MARCHF1: variants seen among roughly 807,000 people sequenced by gnomAD.
MARCHF1 encodes the protein E3 ubiquitin-protein ligase MARCHF1.
Under a neutral mutation model 54.2 loss-of-function variants are expected in MARCHF1, and 40 were observed. That is an observed-to-expected ratio of 0.74 (90% CI 0.57 to 0.96). The LOEUF (loss-of-function observed/expected upper bound fraction) is 0.96. MARCHF1 is among the 40% of genes least tolerant of loss of function. MARCHF1 has a pLI of 0.00. For missense variants in MARCHF1, 586 were observed against 656.5 expected (o/e 0.89, Z 1.17); for synonymous variants, 236 against 236.3 (o/e 1.00, Z 0.01).
intron 4 of MARCHF1, among the ~76,000 whole-genome samples, chr4:163,817,363 A>G (rs1173887254): frequency 2.0e-5 from 3 of 151,542 alleles, no homozygotes; most frequent in Non-Finnish European, 4.4e-5. Context: ...ATATACATAC[A>G]TACATATACA....
chr4:163,774,741 C>A (rs191689827), intron 4 of MARCHF1, among the ~76,000 whole-genome samples: 7 of 152,072 alleles, frequency 4.6e-5, no homozygotes, highest in Non-Finnish European at 8.8e-5. Flanking sequence ...AATGATTCAC[C>A]CACCTCAGCC....
At chr4:164,188,326 C>A (rs765474134) in intron 1 of MARCHF1, 1 of 388,482 alleles carries the variant, frequency 2.6e-6, no homozygotes, top group Non-Finnish European at 4.9e-6. Context: ...TCCTGTGCTG[C>A]GGCCGGTGGC....
chr4:163,565,439 T>A (rs1739614726), intron 8 of MARCHF1, among the ~76,000 whole-genome samples: 1 of 152,132 alleles, frequency 6.6e-6, no homozygotes, highest in African/African-American at 2.4e-5. Flanking sequence ...ACAACGTGGG[T>A]TAGTTGCATC....
At chr4:163,760,913 T>G (rs919555707) in intron 4 of MARCHF1, among the ~76,000 whole-genome samples, 6 of 152,220 alleles carry the variant, frequency 3.9e-5, no homozygotes, top group Non-Finnish European at 7.3e-5. Flanking sequence ...TAAATGGGTA[T>G]GAAGTTACAT....
At chr4:164,281,716 C>T (rs1734031032) in intron 1 of MARCHF1, among the ~76,000 whole-genome samples, 1 of 152,220 alleles carries the variant, frequency 6.6e-6, no homozygotes, top group Non-Finnish European at 1.5e-5. Context: ...AAATTCAAAG[C>T]TTTATCATCA....
At chr4:163,980,533 A>C (rs940198209) in intron 3 of MARCHF1, among the ~76,000 whole-genome samples, 5 of 152,122 alleles carry the variant, frequency 3.3e-5, no homozygotes, top group Non-Finnish European at 5.9e-5. Context: ...TAATTAAACT[A>C]AAGAGCTTCT....
chr4:164,142,580 C>A (rs1237377898), intron 1 of MARCHF1, among the ~76,000 whole-genome samples: 13 of 152,076 alleles, frequency 8.5e-5, no homozygotes, highest in East Asian at 1.9e-4. Flanking sequence ...CTCACACAGC[C>A]AGGTACTCCA....
At chr4:164,361,058 G>C (rs1474277833) in intron 1 of MARCHF1, among the ~76,000 whole-genome samples, 1 of 151,622 alleles carries the variant, frequency 6.6e-6, no homozygotes, top group Non-Finnish European at 1.5e-5. Flanking sequence ...TTATGGTACA[G>C]TGCTGTGTAT....
chr4:163,959,346 CA>C (rs1222553997), intron 3 of MARCHF1, among the ~76,000 whole-genome samples: 1 of 149,612 alleles, frequency 6.7e-6, no homozygotes, highest in South Asian at 2.1e-4. Context: ...AAAAAAACAA[CA>C]AAAAAACAAA....
At chr4:163,531,850 A>G (rs1441690548) in intron 9 of MARCHF1, among the ~76,000 whole-genome samples, 3 of 151,902 alleles carry the variant, frequency 2.0e-5, no homozygotes, top group Non-Finnish European at 4.4e-5. Flanking sequence ...AACAAAAACA[A>G]TGACAACAAC....
intron 8 of MARCHF1, among the ~76,000 whole-genome samples, chr4:163,562,473 A>G (rs572529266): frequency 6.6e-6 from 1 of 152,156 alleles, no homozygotes; most frequent in Admixed American, 6.5e-5. Context: ...GTTAGTCTCT[A>G]TTGGTCCTTT....
chr4:163,626,188 T>C (rs1317078018), intron 5 of MARCHF1, among the ~76,000 whole-genome samples: 1 of 152,254 alleles, frequency 6.6e-6, no homozygotes, highest in African/African-American at 2.4e-5. Context: ...ATCAGCAGTA[T>C]AATTAAAGGC....
At chr4:164,208,330 A>T (rs1274041188) in intron 1 of MARCHF1, among the ~76,000 whole-genome samples, 1 of 152,172 alleles carries the variant, frequency 6.6e-6, no homozygotes, top group Non-Finnish European at 1.5e-5. Flanking sequence ...CTGACACACA[A>T]GGGCTGGATT....
intron 3 of MARCHF1, among the ~76,000 whole-genome samples, chr4:163,924,422 A>G (rs544525728): frequency 1.3e-5 from 2 of 152,182 alleles, no homozygotes; most frequent in East Asian, 3.9e-4. Flanking sequence ...GTGTGGCATA[A>G]TACATCAGGT....
intron 2 of MARCHF1, among the ~76,000 whole-genome samples, chr4:164,054,479 T>C (rs539149267): frequency 6.6e-6 from 1 of 152,112 alleles, no homozygotes; most frequent in Non-Finnish European, 1.5e-5. Context: ...TGCACACGTA[T>C]GTTTACTGTG....
At chr4:164,176,245 T>C (rs1354642280) in intron 1 of MARCHF1, among the ~76,000 whole-genome samples, 1 of 152,190 alleles carries the variant, frequency 6.6e-6, no homozygotes, top group East Asian at 1.9e-4. Context: ...AAGGGTCGCA[T>C]GCAACAGATG....
intron 9 of MARCHF1, among the ~76,000 whole-genome samples, chr4:163,535,365 T>C (rs1227399285): frequency 6.6e-6 from 1 of 152,122 alleles, no homozygotes; most frequent in African/African-American, 2.4e-5. Context: ...AGACCATCTA[T>C]TTCAATTCTC....
chr4:163,534,975 T>C (rs1464544025), intron 9 of MARCHF1, among the ~76,000 whole-genome samples: 1 of 152,040 alleles, frequency 6.6e-6, no homozygotes, highest in East Asian at 1.9e-4. Flanking sequence ...TGAATTGCTT[T>C]ATACTTATTT....
chr4:163,588,685 G>T (rs534392996), intron 7 of MARCHF1, among the ~76,000 whole-genome samples: 7 of 152,098 alleles, frequency 4.6e-5, no homozygotes, highest in Non-Finnish European at 1.0e-4. Flanking sequence ...TGGGAACACA[G>T]TCTCACCCAC....
Sources: allele counts gnomAD v4.1 joint callset (sites outside exome capture counted in the v4.1 genomes callset), GRCh38; gene constraint gnomAD v4.1.1; transcripts MANE v1.5; gene names NCBI Gene and HGNC (gene_info 2026-07-23, HGNC 2026-07-21).